The following LMAN1 variants were observed in gnomAD, a reference collection of about 807,000 sequenced individuals.
LMAN1 encodes lectin, mannose binding 1.
In LMAN1, 32 loss-of-function variants were observed where a neutral mutation model predicts 67.8. The observed-to-expected ratio is 0.47, with a 90% CI of 0.36 to 0.63. The LOEUF is 0.63. Ranked by LOEUF, LMAN1 falls within the 30% of genes least tolerant of loss-of-function variation. The pLI, the probability that LMAN1 is intolerant of heterozygous loss-of-function variation, is 0.00. For synonymous variants in LMAN1, 235 were observed against 219.3 expected, an observed-to-expected ratio of 1.07 and a Z score of -0.63; for missense variants, 632 against 628.2, an observed-to-expected ratio of 1.01 and a Z score of -0.06.
At position 59,353,237 on chromosome 18, in the gene LMAN1, G is replaced by C. The variant is rs951475866; in HGVS notation, c.604C>G (p.Arg202Gly). 3 of 1,613,802 alleles carry C rather than the reference G, an allele frequency of 1.9e-6. No individual in the cohort carries two copies. Among genetic ancestry groups the C allele is most frequent in the Admixed American group, 3.3e-5 (2 of 59,996 alleles). ...TTCTGGTAATAGGTAATCTTTGCTCGGACAGGATAGGGTTTGTTGCGGAAG... is the reference window on the plus strand; with the variant it reads ...TTCTGGTAATAGGTAATCTTTGCTCCGACAGGATAGGGTTTGTTGCGGAAG... ...RDFRNKPYPVRAKITYYQNTL... is the reference protein window; with the variant it reads ...RDFRNKPYPVGAKITYYQNTL... The change falls in exon 5 of 13, where the codon CGA (arginine) becomes GGA (glycine). Residue 202 changes from arginine to glycine, a missense_variant. Physicochemically the swap from Arg to Gly is moderately radical, Grantham distance 125. Transcript: ENST00000251047.
chr18:59,346,210 T>A (rs1375924338), intron 7 of LMAN1, among the ~76,000 whole-genome samples, 159 bp from the exon 8 acceptor site: 2 of 14,750 alleles, frequency 1.4e-4, no homozygotes, highest in Non-Finnish European at 3.2e-4. Flanking sequence ...CAAATTACTC[T>A]TTTTTTTTTT....
At chr18:59,351,814 T>C (rs894943270) in intron 5 of LMAN1, among the ~76,000 whole-genome samples, 6 of 152,168 alleles carry the variant, frequency 3.9e-5, no homozygotes, top group African/African-American at 1.4e-4. Context: ...TAAGCAAGAC[T>C]TACTGATGAC....
At position 59,353,256 on chromosome 18, in the gene LMAN1, G is replaced by C; in HGVS notation, c.585C>G (p.Arg195=). 1 of 1,614,146 alleles carries C rather than the reference G, an allele frequency of 6.2e-7. No individual in the cohort carries two copies. Among genetic ancestry groups the C allele is most frequent in the South Asian group, 1.1e-5 (1 of 91,084 alleles). Residue 195 remains arginine, a synonymous_variant, in exon 5 of 13, where the codon CGC becomes CGG. Transcript: ENST00000251047. ...QALASCQRDF[R]NKPYPVRAKI... ...TTGCTCGGACAGGATAGGGTTTGTT[G>C]CGGAAGTCCCTCTGGCAACTTGCCA...
At chr18:59,357,959 A>G (rs1006511057) in intron 1 of LMAN1, among the ~76,000 whole-genome samples, 1 of 128,840 alleles carries the variant, frequency 7.8e-6, no homozygotes, top group African/African-American at 2.8e-5. Flanking sequence ...CCTAAACCTT[A>G]TAGTAAAAAA....
At chr18:59,335,854 A>G (rs1324033619) in intron 10 of LMAN1, among the ~76,000 whole-genome samples, 1 of 152,238 alleles carries the variant, frequency 6.6e-6, no homozygotes, top group Non-Finnish European at 1.5e-5. Context: ...CTTGTCAGTA[A>G]ATGTCTTTCT....
chr18:59,354,855 C>G (rs1404003691), intron 3 of LMAN1, among the ~76,000 whole-genome samples: 1 of 152,148 alleles, frequency 6.6e-6, no homozygotes, highest in Non-Finnish European at 1.5e-5. Context: ...ACATTTTGAT[C>G]TTAACTGTTT....
Position 59,328,155 on chromosome 18 carries a change from T to A in LMAN1, c.*2938A>T, listed in dbSNP as rs1351335263. 2.6e-5 allele frequency: 4 copies of A among 152,212 alleles called. No individual in the cohort carries two copies. The highest frequency in any genetic ancestry group is 9.7e-5 in the African/African-American group (4 of 41,450). The allele number at this position is 152,212 out of a possible 1,614,324, so 9.4% of individuals were successfully genotyped here. On this transcript the variant is annotated 3_prime_UTR_variant, in exon 13 of 13. Coordinates refer to ENST00000251047, the MANE Select transcript of LMAN1 (RefSeq NM_005570.4). Reference sequence around the variant, plus strand: ...TTAATATTCACAACTGCTATTTGTGTTCTTTACAAAAATTGTATCTCTGCA... The same window carrying A: ...TTAATATTCACAACTGCTATTTGTGATCTTTACAAAAATTGTATCTCTGCA...
intron 8 of LMAN1, among the ~76,000 whole-genome samples, chr18:59,343,837 A>G (rs1256840502): frequency 6.6e-6 from 1 of 152,170 alleles, no homozygotes; most frequent in Non-Finnish European, 1.5e-5. Context: ...AGCAAAAGAA[A>G]CAATCAACAC....
chr18:59,343,563 T>C (rs41441347), intron 8 of LMAN1, among the ~76,000 whole-genome samples: 16,097 of 152,138 alleles, frequency 0.11, 1,059 homozygotes, highest in Admixed American at 0.15. Flanking sequence ...GGACATCCTA[T>C]TCAATAAACG....
rs571429658 is a variant in LMAN1 at position 59,354,222 on chromosome 18, T to C, written c.539+297A>G. ...CCCTTTTAATGAAGATAAAAATGCA[T>C]GATTAGTGGCATCACTGAGAGCCAG... On this transcript the variant is annotated intron_variant, in intron 4 of 12. Coordinates refer to ENST00000251047, the MANE Select transcript of LMAN1 (RefSeq NM_005570.4). Among the ~76,000 whole-genome samples, 13 of 152,314 alleles carry C rather than the reference T, an allele frequency of 8.5e-5. No homozygotes were observed. In the South Asian group the frequency reaches 2.7e-3, roughly 32 times the overall value.
chr18:59,340,550 C>T (rs991155814), intron 8 of LMAN1, among the ~76,000 whole-genome samples: 1 of 151,586 alleles, frequency 6.6e-6, no homozygotes, highest in African/African-American at 2.4e-5. Context: ...ATCAGCTTCA[C>T]AAATGAAGAA....
chr18:59,349,015 A>C, intron 6 of LMAN1, 98 bp downstream of exon 6: 1 of 1,422,464 alleles, frequency 7.0e-7, no homozygotes, highest in Non-Finnish European at 9.9e-7. Flanking sequence ...ACAGTCTTAA[A>C]AAGTTATTAG....
chr18:59,343,182 C>T (rs989157208), intron 8 of LMAN1, among the ~76,000 whole-genome samples: 4 of 151,770 alleles, frequency 2.6e-5, no homozygotes, highest in African/African-American at 7.3e-5. Context: ...ATCCCATGCT[C>T]ATGAATTGGA....
At position 59,353,223 on chromosome 18, in the gene LMAN1, G is replaced by A; in HGVS notation, c.618C>T (p.Thr206=). 4 of 1,613,748 alleles carry A rather than the reference G, an allele frequency of 2.5e-6. No individual in the cohort carries two copies. Residue 206 remains threonine, a synonymous_variant, in exon 5 of 13, where the codon ACC becomes ACT. Coordinates refer to ENST00000251047, the MANE Select transcript of LMAN1 (RefSeq NM_005570.4). ...NKPYPVRAKI[T]YYQNTLTVMI... is the part of the protein sequence containing the mutation. ...TTACTGTCAGTGTGTTCTGGTAATA[G>A]GTAATCTTTGCTCGGACAGGATAGG...
rs377551845 is a variant in LMAN1, at chr18:59,353,349, T to C, written c.540-48A>G. 1.0e-4 allele frequency: 137 copies of C among 1,332,768 alleles called. 1 individual carries two copies. Among genetic ancestry groups the C allele is most frequent in the Middle Eastern group, 5.4e-4 (3 of 5,544 alleles). 82.6% of individuals were successfully genotyped at this position (1,332,768 alleles called of 1,614,324 possible). A position where few individuals can be genotyped will look rare whatever the true frequency, so the allele number is the denominator to read the frequency against. The stretch of plus-strand genomic sequence containing the variant: ...ACAGACAAGACACTCAGCTTTTCAA[T>C]ATTTAAAAATTCAGGAAGACTAAAA... On this transcript the variant is annotated intron_variant, in intron 4 of 12. Coordinates refer to ENST00000251047, the MANE Select transcript of LMAN1 (RefSeq NM_005570.4).
At chr18:59,331,330 T>C in intron 12 of LMAN1, 88 bp downstream of exon 12, 1 of 1,357,722 alleles carries the variant, frequency 7.4e-7, no homozygotes, top group Non-Finnish European at 1.0e-6. Flanking sequence ...TGGTGAAAAT[T>C]GTATTATGAA....
rs1325886934 is a variant in LMAN1 at position 59,349,245 on chromosome 18, A to G, written c.640-9T>C. ...CCATTATTGATCATTACCTAGAAAG[A>G]CATATCATAGCTATAGCTTTTGCAA... On this transcript the variant is annotated splice_polypyrimidine_tract_variant and intron_variant, in intron 5 of 12. Coordinates refer to ENST00000251047, the MANE Select transcript of LMAN1 (RefSeq NM_005570.4). The G allele has an allele frequency of 1.2e-6, 2 of 1,610,360 alleles. No individual in the cohort carries two copies. The highest frequency in any genetic ancestry group is 1.7e-6 in the Non-Finnish European group (2 of 1,176,662).
In LMAN1 at chr18:59,356,990, G is replaced by T. The variant is rs144063025; in HGVS notation, c.215-1332C>A. On this transcript the variant is annotated intron_variant, in intron 1 of 12. Coordinates refer to ENST00000251047, the MANE Select transcript of LMAN1 (RefSeq NM_005570.4). ...ATTTGGTCTTAATTTGGGGTTGAAGGTAAAGGGCTGTGTTTAAACTAGATC... is the reference window on the plus strand; with the variant it reads ...ATTTGGTCTTAATTTGGGGTTGAAGTTAAAGGGCTGTGTTTAAACTAGATC... Among the ~76,000 whole-genome samples, 1,240 of 152,232 alleles carry T rather than the reference G, an allele frequency of 8.1e-3. 8 individuals are homozygous for T. The highest frequency in any genetic ancestry group is 0.011 in the Non-Finnish European group (776 of 67,992).
intron 1 of LMAN1, among the ~76,000 whole-genome samples, chr18:59,357,207 A>G (rs2144235074): frequency 6.6e-6 from 1 of 152,332 alleles, no homozygotes. Context: ...CTTTGTTTCA[A>G]ATTCATTCTA....
Sources: gnomAD v4.1 joint callset for allele counts (sites outside exome capture counted in the v4.1 genomes callset) on GRCh38, gnomAD v4.1.1 for gene constraint, MANE v1.5 for transcripts, NCBI Gene and HGNC (gene_info 2026-07-23, HGNC 2026-07-21) for gene names.